Variants in SMARCC1 observed in about 807,000 individuals in gnomAD.
SMARCC1 encodes the protein SWI/SNF complex subunit SMARCC1.
Under a neutral mutation model 147.4 loss-of-function variants are expected in SMARCC1, and 43 were observed. The ratio of observed to expected loss-of-function variants is 0.29; its 90% confidence interval spans 0.23 to 0.38. The LOEUF (loss-of-function observed/expected upper bound fraction) is 0.38, where lower values mean the gene tolerates loss of function less well. Among genes scored for constraint, SMARCC1 ranks in the 10% least tolerant of loss-of-function variants. The pLI, the probability that SMARCC1 is intolerant of heterozygous loss-of-function variation, is 1.00. For synonymous variants in SMARCC1, 495 were observed against 484.4 expected, an observed-to-expected ratio of 1.02 and a Z score of -0.29; for missense variants, 1,119 against 1,381.1, an observed-to-expected ratio of 0.81 and a Z score of 3.01.
intron 1 of SMARCC1, among the ~76,000 whole-genome samples, chr3:47,777,054 G>A (rs1371464346): frequency 6.6e-6 from 1 of 151,232 alleles, no homozygotes; most frequent in East Asian, 1.9e-4. Flanking sequence ...GATTATAGGC[G>A]TGAGCCACTA....
intron 2 of SMARCC1, among the ~76,000 whole-genome samples, chr3:47,747,895 C>T (rs1273164304): frequency 1.3e-5 from 2 of 152,124 alleles, no homozygotes; most frequent in African/African-American, 4.8e-5. Context: ...TGGTGGCTCA[C>T]GCCTGTAATC....
intron 21 of SMARCC1, among the ~76,000 whole-genome samples, chr3:47,642,267 A>G (rs556092310): frequency 1.3e-5 from 2 of 152,342 alleles, no homozygotes; most frequent in South Asian, 4.1e-4. Flanking sequence ...GCTTTACAGA[A>G]GTACATATGA....
chr3:47,675,919 G>A (rs984603154), intron 17 of SMARCC1, among the ~76,000 whole-genome samples: 8 of 151,314 alleles, frequency 5.3e-5, no homozygotes, highest in African/African-American at 9.7e-5. Context: ...CACTCCAGCC[G>A]GGGGAACAGT....
intron 25 of SMARCC1, among the ~76,000 whole-genome samples, chr3:47,612,281 TTC>T (rs1225757038): frequency 1.3e-5 from 2 of 152,244 alleles, no homozygotes; most frequent in Non-Finnish European, 2.9e-5. Flanking sequence ...CTTCTAATCA[TTC>T]TTTCTAGGAA....
intron 21 of SMARCC1, among the ~76,000 whole-genome samples, chr3:47,655,647 G>A (rs1295523714): frequency 1.3e-5 from 2 of 151,950 alleles, no homozygotes; most frequent in Admixed American, 6.6e-5. Flanking sequence ...CATGCAGTGA[G>A]TTGAGATCAC....
chr3:47,739,494 G>C (rs889022287), intron 3 of SMARCC1, among the ~76,000 whole-genome samples: 20 of 151,988 alleles, frequency 1.3e-4, no homozygotes, highest in African/African-American at 4.8e-4. Flanking sequence ...TCAGGTAACT[G>C]TTCTTTATTT....
intron 11 of SMARCC1, 99 bp from the exon 12 acceptor site, chr3:47,693,399 A>C: frequency 2.9e-6 from 2 of 692,086 alleles, no homozygotes; most frequent in Non-Finnish European, 5.1e-6. Flanking sequence ...CATGCATCTC[A>C]CTACAACTGC....
chr3:47,617,753 T>TA (rs963374569), intron 25 of SMARCC1, among the ~76,000 whole-genome samples: 69 of 152,310 alleles, frequency 4.5e-4, no homozygotes, highest in African/African-American at 1.6e-3. Flanking sequence ...TTTTGGTTGG[T>TA]AAGAGAACAG....
intron 5 of SMARCC1, among the ~76,000 whole-genome samples, chr3:47,731,657 A>ATT (rs2034375793): frequency 6.6e-6 from 1 of 152,234 alleles, no homozygotes; most frequent in Non-Finnish European, 1.5e-5. Context: ...ATGCATGGAA[A>ATT]TAACATTAAT....
intron 1 of SMARCC1, 111 bp downstream of exon 1, chr3:47,781,492 T>A: frequency 1.4e-6 from 1 of 695,900 alleles, no homozygotes; most frequent in Non-Finnish European, 2.0e-6. Context: ...CCTGCCTTTG[T>A]TGTCCCTCGT....
chr3:47,603,316 G>T (rs2032419364), intron 26 of SMARCC1: 1 of 152,152 alleles, frequency 6.6e-6, no homozygotes, highest in Non-Finnish European at 1.5e-5. Flanking sequence ...CAGCTACTCG[G>T]GAGACTGAGG....
intron 2 of SMARCC1, among the ~76,000 whole-genome samples, chr3:47,750,193 T>C (rs981426806): frequency 2.0e-5 from 3 of 152,098 alleles, no homozygotes; most frequent in Non-Finnish European, 2.9e-5. Flanking sequence ...CCTAACACTT[T>C]GGGAGGCCAA....
At chr3:47,753,935 A>G (rs1043836575) in intron 2 of SMARCC1, among the ~76,000 whole-genome samples, 1 of 152,114 alleles carries the variant, frequency 6.6e-6, no homozygotes, top group African/African-American at 2.4e-5. Context: ...AAATGGTTGA[A>G]AGAGAAAAAA....
In SMARCC1 at chr3:47,642,770, G is replaced by A. The variant is rs144395284; in HGVS notation, c.2321-3990C>T. Among the ~76,000 whole-genome samples, 23 of 152,186 alleles carry A rather than the reference G, an allele frequency of 1.5e-4. No homozygotes were observed. The East Asian group carries it at 2.7e-3, about 18-fold the overall frequency. ...AAAAAACCTGAAATTTCCAGGCCACGTGTGGTGGCTCATGCCTATAATCCC... is the reference window on the plus strand; with the variant it reads ...AAAAAACCTGAAATTTCCAGGCCACATGTGGTGGCTCATGCCTATAATCCC... On this transcript the variant is annotated intron_variant, in intron 21 of 27. Transcript: ENST00000254480.
At chr3:47,644,500 GA>G (rs1192811481) in intron 21 of SMARCC1, among the ~76,000 whole-genome samples, 1 of 152,170 alleles carries the variant, frequency 6.6e-6, no homozygotes, top group Non-Finnish European at 1.5e-5. Flanking sequence ...TGTCTCAAAA[GA>G]AAAACTTTTT....
chr3:47,683,970 C>T (rs1385197989), intron 14 of SMARCC1, among the ~76,000 whole-genome samples: 3 of 136,490 alleles, frequency 2.2e-5, no homozygotes, highest in Admixed American at 2.2e-4. Flanking sequence ...AGACAGTACT[C>T]GGCCGGGCGC....
rs767209150 is a variant in SMARCC1 at position 47,710,669 on chromosome 3, G to A, written c.918+14C>T. Reference sequence around the variant, plus strand: ...GACAGACTTAATGATGAGAAACTGTGCCAAAGAAAATACCTCTTCATTCTT... The same window carrying A: ...GACAGACTTAATGATGAGAAACTGTACCAAAGAAAATACCTCTTCATTCTT... On this transcript the variant is annotated intron_variant, in intron 9 of 27. Coordinates refer to ENST00000254480, the MANE Select transcript of SMARCC1 (RefSeq NM_003074.4). The A allele has an allele frequency of 2.2e-5, 36 of 1,611,558 alleles. No individual in the cohort carries two copies. The highest frequency in any genetic ancestry group is 3.0e-5 in the Non-Finnish European group (35 of 1,179,046).
chr3:47,598,860 G>GAC (rs1344671995), intron 26 of SMARCC1, among the ~76,000 whole-genome samples: 144 of 124,994 alleles, frequency 1.2e-3, no homozygotes, highest in South Asian at 2.8e-3. Flanking sequence ...AAGAGAGAGA[G>GAC]AGACACACAC....
chr3:47,696,081 G>T (rs919476793), intron 11 of SMARCC1, among the ~76,000 whole-genome samples: 6 of 141,060 alleles, frequency 4.3e-5, no homozygotes, highest in South Asian at 2.7e-4. Flanking sequence ...AAAAAAAGGG[G>T]GGGGGGGGGC....
Sources: allele counts gnomAD v4.1 joint callset (sites outside exome capture counted in the v4.1 genomes callset), GRCh38; gene constraint gnomAD v4.1.1; transcripts MANE v1.5; gene names NCBI Gene and HGNC (gene_info 2026-07-23, HGNC 2026-07-21).